Variants in SPATS2 observed in about 807,000 individuals in gnomAD.
SPATS2 encodes spermatogenesis associated serine rich 2, also known as spermatogenesis-associated serine-rich protein 2.
A neutral mutation model predicts 63.7 loss-of-function variants in SPATS2; 38 were observed. The ratio of observed to expected loss-of-function variants is 0.60; its 90% CI spans 0.46 to 0.78. The LOEUF (loss-of-function observed/expected upper bound fraction) is 0.78, where lower values mean the gene tolerates loss of function less well. Ranked by LOEUF, SPATS2 falls within the 30% of genes least tolerant of loss-of-function variation. SPATS2 has a pLI of 0.00. For synonymous variants in SPATS2, 207 were observed against 232.9 expected (o/e 0.89, Z 1.01); for missense variants, 588 against 666.2 (o/e 0.88, Z 1.29).
At chr12:49,393,970 A>G (rs1367285954) in intron 2 of SPATS2, among the ~76,000 whole-genome samples, 1 of 152,140 alleles carries the variant, frequency 6.6e-6, no homozygotes, top group Admixed American at 6.5e-5. Context: ...TGCGTGAGCC[A>G]CTGCTCCTGG....
At chr12:49,499,300 T>C (rs1257013832) in intron 8 of SPATS2, among the ~76,000 whole-genome samples, 1 of 152,232 alleles carries the variant, frequency 6.6e-6, no homozygotes, top group Non-Finnish European at 1.5e-5. Flanking sequence ...CCAACTACTC[T>C]GCCTGCCATA....
At chr12:49,517,247 A>C (rs1281751318) in intron 10 of SPATS2, among the ~76,000 whole-genome samples, 1 of 152,226 alleles carries the variant, frequency 6.6e-6, no homozygotes. Flanking sequence ...GGCGTTAAGA[A>C]ACTTTTGTAG....
intron 2 of SPATS2, among the ~76,000 whole-genome samples, chr12:49,414,063 A>G (rs1315359431): frequency 6.6e-6 from 1 of 152,158 alleles, no homozygotes; most frequent in African/African-American, 2.4e-5. Context: ...GCAATAGAGT[A>G]CTTTTCTTGG....
intron 2 of SPATS2, among the ~76,000 whole-genome samples, chr12:49,433,636 TTTG>T (rs137999795): frequency 0.1 from 15,777 of 151,980 alleles, 880 homozygotes; most frequent in African/African-American, 0.13. Context: ...CAGTTGGGTT[TTTG>T]TTGTTGTTGT....
chr12:49,400,616 A>G (rs909483145), intron 2 of SPATS2, among the ~76,000 whole-genome samples: 1 of 152,128 alleles, frequency 6.6e-6, no homozygotes, highest in Non-Finnish European at 1.5e-5. Context: ...AGGAGAGAGG[A>G]CAGGGCAAAT....
chr12:49,526,518 AC>A lies in SPATS2; in HGVS notation c.*265del. 2.2e-6 allele frequency: 1 copy of A among 461,818 alleles called. No individual in the cohort carries two copies. The highest frequency in any genetic ancestry group is 4.1e-5 in the East Asian group (1 of 24,130). The allele number at this position is 461,818 out of a possible 1,614,324, so 28.6% of individuals were successfully genotyped here. A position where few individuals can be genotyped will look rare whatever the true frequency, so the allele number is the denominator to read the frequency against. ...CCACCAGGAATCAGAGGCAGCTGTT[AC>A]CAGGTTTCGGCCTTCCAGTTGATCC... On this transcript the variant is annotated 3_prime_UTR_variant, in exon 14 of 14. Transcript: ENST00000552918.
chr12:49,468,855 T>G (rs1217908352), intron 3 of SPATS2, among the ~76,000 whole-genome samples: 1 of 152,194 alleles, frequency 6.6e-6, no homozygotes, highest in Non-Finnish European at 1.5e-5. Context: ...ATAATTATTT[T>G]TAATAGATGT....
intron 2 of SPATS2, among the ~76,000 whole-genome samples, chr12:49,458,732 G>GTT (rs559444527): frequency 3.0e-4 from 41 of 136,724 alleles, no homozygotes; most frequent in Non-Finnish European, 4.1e-4. Flanking sequence ...ATTCCATCTC[G>GTT]TTTTTTTTTT....
At chr12:49,489,620 G>C (rs1401875257) in intron 5 of SPATS2, 47 bp downstream of exon 5, 1 of 1,528,670 alleles carries the variant, frequency 6.5e-7, no homozygotes, top group Non-Finnish European at 8.9e-7. Context: ...TGCTCAAATA[G>C]AATTTGCTTC....
chr12:49,458,877 C>T (rs924819673), intron 2 of SPATS2, among the ~76,000 whole-genome samples: 17 of 151,996 alleles, frequency 1.1e-4, no homozygotes, highest in Non-Finnish European at 2.9e-5. Flanking sequence ...AAAGGAGCTT[C>T]CTGCAATATG....
Position 49,498,138 on chromosome 12 carries a change from A to AT in SPATS2, c.703+1129_703+1130insT, listed in dbSNP as rs1166484516. On this transcript the variant is annotated intron_variant, in intron 8 of 13. Transcript: ENST00000552918. ...TGAGACTATCCAATCAAGCCAAAAAAAAAAAAAATATATATATATATATAT... is the reference window on the plus strand; with the variant it reads ...TGAGACTATCCAATCAAGCCAAAAAATAAAAAAAATATATATATATATATAT... 5.5e-3 allele frequency among the ~76,000 whole-genome samples: 635 copies of AT among 114,832 alleles called. 2 individuals are homozygous for AT. The highest frequency in any genetic ancestry group is 0.021 in the African/African-American group (566 of 27,608). The allele number at this position is 114,832 out of a possible 152,430, so 75.3% of individuals were successfully genotyped here.
At chr12:49,402,769 C>T (rs1484812990) in intron 2 of SPATS2, among the ~76,000 whole-genome samples, 2 of 151,958 alleles carry the variant, frequency 1.3e-5, no homozygotes, top group Non-Finnish European at 2.9e-5. Context: ...AGGCTTTTTT[C>T]AGGAAGGAAG....
chr12:49,398,135 CA>C lies in SPATS2; in HGVS notation c.-244+26870del, dbSNP rs71080193. Among the ~76,000 whole-genome samples the C allele has an allele frequency of 8.6e-3, 392 of 45,334 alleles. 1 individual carries two copies. The highest frequency in any genetic ancestry group is 0.022 in the African/African-American group (270 of 12,102). 29.7% of individuals were successfully genotyped at this position (45,334 alleles called of 152,430 possible). A position where few individuals can be genotyped will look rare whatever the true frequency, so the allele number is the denominator to read the frequency against. On this transcript the variant is annotated intron_variant, in intron 2 of 13. Coordinates refer to ENST00000552918, the MANE Select transcript of SPATS2 (RefSeq NM_023071.4). Reference sequence around the variant, plus strand: ...TGGGAGACAGAGGGAGACCCTGTCTCAAAAAAAAAAAAAAAAAAAAAAAAAG... The same window carrying C: ...TGGGAGACAGAGGGAGACCCTGTCTCAAAAAAAAAAAAAAAAAAAAAAAAG...
intron 2 of SPATS2, among the ~76,000 whole-genome samples, chr12:49,416,423 T>G (rs1944890652): frequency 1.3e-5 from 2 of 152,156 alleles, no homozygotes; most frequent in Non-Finnish European, 2.9e-5. Flanking sequence ...TATGGTGACT[T>G]GGACTTTGAA....
At chr12:49,503,415 C>T (rs1378778038) in intron 9 of SPATS2, among the ~76,000 whole-genome samples, 10 of 151,364 alleles carry the variant, frequency 6.6e-5, no homozygotes, top group Admixed American at 4.6e-4. Context: ...TTTGGGAGGC[C>T]GAGGCGGGTG....
intron 2 of SPATS2, among the ~76,000 whole-genome samples, chr12:49,430,657 A>G (rs1945169722): frequency 6.6e-6 from 1 of 152,056 alleles, no homozygotes; most frequent in Admixed American, 6.6e-5. Flanking sequence ...TTAGATTCAA[A>G]TGAAGGCTTT....
chr12:49,462,481 C>T (rs544942412), intron 3 of SPATS2: 12 of 700,300 alleles, frequency 1.7e-5, no homozygotes, highest in Non-Finnish European at 2.9e-5. Flanking sequence ...GTGTTAACAG[C>T]TCAGTGGGCC....
intron 9 of SPATS2, among the ~76,000 whole-genome samples, chr12:49,510,909 A>G (rs772778842): frequency 6.6e-6 from 1 of 152,222 alleles, no homozygotes; most frequent in African/African-American, 2.4e-5. Context: ...CTGAGCAACT[A>G]AATTATGCAA....
chr12:49,457,900 C>T (rs931806361), intron 2 of SPATS2, among the ~76,000 whole-genome samples: 3 of 152,150 alleles, frequency 2.0e-5, no homozygotes, highest in African/African-American at 7.2e-5. Flanking sequence ...GGCTGGTTCT[C>T]ACAGCTTGGC....
Sources: gnomAD v4.1 joint callset for allele counts (sites outside exome capture counted in the v4.1 genomes callset) on GRCh38, gnomAD v4.1.1 for gene constraint, MANE v1.5 for transcripts, NCBI Gene and HGNC (gene_info 2026-07-23, HGNC 2026-07-21) for gene names.